GIPC2: variants seen among roughly 807,000 people sequenced by gnomAD.
The protein encoded by GIPC2 is PDZ domain-containing protein GIPC2.
Under a neutral mutation model 30.6 loss-of-function variants are expected in GIPC2, and 30 were observed. The ratio of observed to expected loss-of-function variants is 0.98; its 90% CI spans 0.73 to 1.33. GIPC2 has a LOEUF of 1.33. GIPC2 is among the 40% of genes most tolerant of loss of function. The probability of loss-of-function intolerance (pLI) is 0.00; values close to 1 mark genes in which losing one functional copy is unlikely to be tolerated. For missense variants in GIPC2, 414 were observed against 390.3 expected (o/e 1.06, Z -0.51); for synonymous variants, 167 against 150.0 (o/e 1.11, Z -0.83).
chr1:78,066,533 G>A (rs1487579004), intron 1 of GIPC2, among the ~76,000 whole-genome samples: 1 of 152,106 alleles, frequency 6.6e-6, no homozygotes, highest in East Asian at 1.9e-4. Context: ...CCCATTACTG[G>A]ATATATACCC....
chr1:78,119,265 G>T, intron 3 of GIPC2, 128 bp from the exon 4 acceptor site: 1 of 567,886 alleles, frequency 1.8e-6, no homozygotes. Flanking sequence ...CTATAAGAAG[G>T]CCTACGTTTT....
At chr1:78,065,837 G>A (rs1041545163) in intron 1 of GIPC2, among the ~76,000 whole-genome samples, 1 of 152,128 alleles carries the variant, frequency 6.6e-6, no homozygotes, top group Non-Finnish European at 1.5e-5. Flanking sequence ...TGACTGGCTA[G>A]CCATATGCAG....
chr1:78,125,340 A>G (rs1662762559), intron 4 of GIPC2, among the ~76,000 whole-genome samples: 1 of 151,948 alleles, frequency 6.6e-6, no homozygotes, highest in Admixed American at 6.6e-5. Flanking sequence ...ACACCCAGCT[A>G]ATTATTTTAA....
At chr1:78,069,563 TC>T (rs1475918104) in intron 1 of GIPC2, among the ~76,000 whole-genome samples, 1 of 148,754 alleles carries the variant, frequency 6.7e-6, no homozygotes, top group Non-Finnish European at 1.5e-5. Flanking sequence ...AACCTCTGCC[TC>T]CCAGGTTCAA....
intron 3 of GIPC2, among the ~76,000 whole-genome samples, chr1:78,115,048 A>G (rs748766473): frequency 1.3e-5 from 2 of 152,222 alleles, no homozygotes; most frequent in Non-Finnish European, 2.9e-5. Flanking sequence ...TAAGAGCAAG[A>G]TAAGATAGAA....
intron 2 of GIPC2, among the ~76,000 whole-genome samples, chr1:78,088,321 C>T (rs901297501): frequency 1.3e-5 from 2 of 152,184 alleles, no homozygotes; most frequent in South Asian, 4.1e-4. Context: ...CAGCACTGTT[C>T]ACAATAGTAA....
intron 1 of GIPC2, 84 bp from the exon 2 acceptor site, chr1:78,080,591 T>G: frequency 1.3e-6 from 1 of 744,470 alleles, no homozygotes; most frequent in Non-Finnish European, 2.2e-6. Flanking sequence ...GAGGAGTATT[T>G]CAGTCAATAA....
chr1:78,048,805 T>C (rs2102631913), intron 1 of GIPC2, among the ~76,000 whole-genome samples: 1 of 152,282 alleles, frequency 6.6e-6, no homozygotes, highest in East Asian at 1.9e-4. Flanking sequence ...GTTCAACATT[T>C]TCAGTGCACT....
chr1:78,094,126 ACTTAT>A (rs1662094201), intron 2 of GIPC2, among the ~76,000 whole-genome samples: 1 of 152,212 alleles, frequency 6.6e-6, no homozygotes, highest in Non-Finnish European at 1.5e-5. Context: ...TGATAACCAT[ACTTAT>A]CTTTTATTGG....
intron 1 of GIPC2, among the ~76,000 whole-genome samples, chr1:78,073,369 G>A (rs112764565): frequency 1.4e-3 from 209 of 152,198 alleles, no homozygotes; most frequent in African/African-American, 4.9e-3. Flanking sequence ...CTCCCAAAGT[G>A]CTGGGATTTC....
intron 3 of GIPC2, among the ~76,000 whole-genome samples, chr1:78,113,863 A>ATTT (rs35608832): frequency 2.2e-5 from 3 of 137,274 alleles, no homozygotes; most frequent in East Asian, 2.0e-4. Flanking sequence ...GCCCATACCT[A>ATTT]TTTTTTTTTT....
At chr1:78,117,929 T>C (rs1192194422) in intron 3 of GIPC2, among the ~76,000 whole-genome samples, 4 of 152,064 alleles carry the variant, frequency 2.6e-5, no homozygotes, top group African/African-American at 9.7e-5. Flanking sequence ...TCTTTCCTTC[T>C]TTCTCTCTCT....
chr1:78,081,820 A>G (rs902339490), intron 2 of GIPC2, among the ~76,000 whole-genome samples: 3 of 152,080 alleles, frequency 2.0e-5, no homozygotes, highest in Admixed American at 1.3e-4. Flanking sequence ...TCACAATTCT[A>G]TTTGGTTGGT....
intron 1 of GIPC2, among the ~76,000 whole-genome samples, chr1:78,059,024 T>G (rs1661346414): frequency 6.6e-6 from 1 of 152,198 alleles, no homozygotes; most frequent in South Asian, 2.1e-4. Flanking sequence ...CTATCCAACT[T>G]TGGGCAAGTC....
chr1:78,077,846 C>G (rs1661743638), intron 1 of GIPC2, among the ~76,000 whole-genome samples: 1 of 152,126 alleles, frequency 6.6e-6, no homozygotes, highest in African/African-American at 2.4e-5. Context: ...CTTAAATGTT[C>G]ATTATCTTTT....
At chr1:78,070,571 G>A (rs561446520) in intron 1 of GIPC2, among the ~76,000 whole-genome samples, 10 of 152,010 alleles carry the variant, frequency 6.6e-5, no homozygotes, top group South Asian at 2.1e-4. Flanking sequence ...TATTTTATTC[G>A]TTGGTTTAGT....
chr1:78,064,071 C>G (rs1661457139), intron 1 of GIPC2, among the ~76,000 whole-genome samples: 1 of 152,208 alleles, frequency 6.6e-6, no homozygotes, highest in African/African-American at 2.4e-5. Flanking sequence ...ATCCAAATAA[C>G]ATGGGCAGCA....
At chr1:78,115,576 C>T (rs1662553371) in intron 3 of GIPC2, among the ~76,000 whole-genome samples, 1 of 152,168 alleles carries the variant, frequency 6.6e-6, no homozygotes, top group South Asian at 2.1e-4. Context: ...TAATCTTTTT[C>T]TTTGGATACT....
At chr1:78,108,397 C>G (rs931583143) in intron 3 of GIPC2, among the ~76,000 whole-genome samples, 1 of 152,206 alleles carries the variant, frequency 6.6e-6, no homozygotes, top group African/African-American at 2.4e-5. Flanking sequence ...AGATTTCTGG[C>G]ACAGTTATTG....
Sources: gnomAD v4.1 joint callset for allele counts (sites outside exome capture counted in the v4.1 genomes callset) on GRCh38, gnomAD v4.1.1 for gene constraint, MANE v1.5 for transcripts, NCBI Gene and HGNC (gene_info 2026-07-23, HGNC 2026-07-21) for gene names.